SMARCA2: variants seen among roughly 807,000 people sequenced by gnomAD.
SMARCA2 encodes the protein SWI/SNF-related matrix-associated actin-dependent regulator of chromatin subfamily A member 2.
SMARCA2 carries 61 observed loss-of-function variants against 199.8 expected under a neutral mutation model. The observed-to-expected ratio is 0.31, with a 90% CI of 0.25 to 0.38. SMARCA2 has a LOEUF of 0.38. Among genes scored for constraint, SMARCA2 ranks in the 10% least tolerant of loss-of-function variants. The probability of loss-of-function intolerance (pLI) is 1.00; values close to 1 mark genes in which losing one functional copy is unlikely to be tolerated. For missense variants in SMARCA2, 1,344 were observed against 2,012.2 expected (o/e 0.67, Z 6.35); for synonymous variants, 935 against 732.0 (o/e 1.28, Z -4.48).
chr9:2,150,289 C>G (rs1824995004), intron 27 of SMARCA2, among the ~76,000 whole-genome samples: 1 of 151,664 alleles, frequency 6.6e-6, no homozygotes, highest in African/African-American at 2.4e-5. Flanking sequence ...TTCTTTCACA[C>G]CTGCAGCTCA....
chr9:2,073,822 C>G (rs1033599572), intron 12 of SMARCA2, among the ~76,000 whole-genome samples, 199 bp downstream of exon 12: 1 of 152,174 alleles, frequency 6.6e-6, no homozygotes, highest in African/African-American at 2.4e-5. Flanking sequence ...TTGGAAGGCC[C>G]TGGCTAATGG....
chr9:2,148,549 G>T (rs1421803771), intron 27 of SMARCA2, among the ~76,000 whole-genome samples: 1 of 151,352 alleles, frequency 6.6e-6, no homozygotes, highest in Non-Finnish European at 1.5e-5. Context: ...GTGCAGGTTT[G>T]TTACATATCT....
intron 14 of SMARCA2, among the ~76,000 whole-genome samples, chr9:2,079,084 T>C (rs1821451730): frequency 1.3e-5 from 2 of 152,200 alleles, no homozygotes; most frequent in African/African-American, 4.8e-5. Flanking sequence ...GCCTTATTAT[T>C]GATAATAGGC....
chr9:2,190,659 A>G (rs1301116281), intron 32 of SMARCA2, among the ~76,000 whole-genome samples: 1 of 152,204 alleles, frequency 6.6e-6, no homozygotes, highest in African/African-American at 2.4e-5. Flanking sequence ...ACAGAGAGAG[A>G]GAAATGGATG....
intron 18 of SMARCA2, 104 bp downstream of exon 18, chr9:2,087,175 C>G: frequency 7.2e-7 from 1 of 1,391,412 alleles, no homozygotes; most frequent in Non-Finnish European, 9.9e-7. Flanking sequence ...AGGGTGGTTT[C>G]CACTGTTGTT....
chr9:2,064,123 A>T (rs1344221625), intron 9 of SMARCA2, among the ~76,000 whole-genome samples: 1 of 152,266 alleles, frequency 6.6e-6, no homozygotes, highest in Admixed American at 6.5e-5. Context: ...CCTACAGGGT[A>T]CAAAAGAGAA....
At chr9:2,130,662 C>CAT (rs755451848) in intron 27 of SMARCA2, among the ~76,000 whole-genome samples, 6 of 151,924 alleles carry the variant, frequency 3.9e-5, no homozygotes, top group East Asian at 1.9e-4. Context: ...TTACAGATTA[C>CAT]ATATATATAT....
chr9:2,149,110 GA>G (rs1348359123), intron 27 of SMARCA2, among the ~76,000 whole-genome samples: 1 of 151,166 alleles, frequency 6.6e-6, no homozygotes, highest in African/African-American at 2.4e-5. Context: ...GGAAGAAAAG[GA>G]GGTTTAATTG....
chr9:2,120,394 T>G (rs1285951960), intron 26 of SMARCA2, among the ~76,000 whole-genome samples: 1 of 152,204 alleles, frequency 6.6e-6, no homozygotes, highest in African/African-American at 2.4e-5. Flanking sequence ...GGTAGAAATG[T>G]GAGACCTATG....
intron 22 of SMARCA2, among the ~76,000 whole-genome samples, chr9:2,102,437 A>G (rs1478852586): frequency 1.3e-5 from 2 of 152,208 alleles, no homozygotes; most frequent in East Asian, 1.9e-4. Context: ...TCGGGAAGAC[A>G]TACGTTTGAA....
chr9:2,125,632 G>A (rs988620710), intron 27 of SMARCA2, among the ~76,000 whole-genome samples: 18 of 151,992 alleles, frequency 1.2e-4, no homozygotes, highest in Admixed American at 1.2e-3. Flanking sequence ...TGGGATTACA[G>A]GCGCATACCA....
At chr9:2,178,066 GTAGTGTGTGTA>G (rs1826746587) in intron 29 of SMARCA2, among the ~76,000 whole-genome samples, 1 of 133,222 alleles carries the variant, frequency 7.5e-6, no homozygotes, top group Admixed American at 7.9e-5. Context: ...TTAAATCTCA[GTAGTGTGTGTA>G]TATAAGCCAT....
In SMARCA2 at chr9:2,123,045, C is replaced by G. The variant is rs1034606016; in HGVS notation, c.3763-674C>G. 6.6e-6 allele frequency among the ~76,000 whole-genome samples: 1 copy of G among 152,168 alleles called. No homozygotes were observed. Among genetic ancestry groups the G allele is most frequent in the African/African-American group, 2.4e-5 (1 of 41,426 alleles). On this transcript the variant is annotated intron_variant, in intron 26 of 33. Transcript: ENST00000349721. This position sits in a 1 kb window ranked among gnomAD's most constrained non-coding sequence, Gnocchi z 4.1. ...GTTGGGATGCGATTACCTCTGAGCT[C>G]TCTCTGTCTGTGGTATAATATATTC...
intron 27 of SMARCA2, among the ~76,000 whole-genome samples, chr9:2,135,737 T>A (rs969724413): frequency 7.9e-5 from 12 of 152,292 alleles, no homozygotes; most frequent in African/African-American, 2.9e-4. Context: ...GAGATGGGGT[T>A]TCGCCATGTT....
intron 27 of SMARCA2, among the ~76,000 whole-genome samples, chr9:2,153,145 A>C (rs1419783416): frequency 1.3e-5 from 2 of 152,198 alleles, no homozygotes; most frequent in East Asian, 1.9e-4. Context: ...TTGGAAGCCA[A>C]CCCAAATTTA....
intron 19 of SMARCA2, among the ~76,000 whole-genome samples, chr9:2,094,722 G>A (rs2130516979): frequency 6.6e-6 from 1 of 152,182 alleles, no homozygotes; most frequent in African/African-American, 2.4e-5. Context: ...AAAATGAGAA[G>A]GCTAAATGTG....
intron 32 of SMARCA2, 39 bp downstream of exon 32, chr9:2,186,267 T>A: frequency 6.3e-7 from 1 of 1,587,302 alleles, no homozygotes; most frequent in Non-Finnish European, 8.6e-7. Context: ...TCTTTGCCCC[T>A]CCTCACCTGC....
rs570453972 is a variant in SMARCA2, at chr9:2,137,503, A to C, written c.3981+13566A>C. On this transcript the variant is annotated intron_variant, in intron 27 of 33. Transcript: ENST00000349721. ...TGGCACTTCTAGAAGTCTTTCTCCC[A>C]GATCTTCATGTGGCTGTCTCCTCCT... Among the ~76,000 whole-genome samples the C allele has an allele frequency of 5.2e-4, 79 of 152,206 alleles. 1 individual carries two copies. The South Asian group carries it at 0.015, about 28-fold the overall frequency.
chr9:2,137,120 G>A (rs1034384471), intron 27 of SMARCA2, among the ~76,000 whole-genome samples: 1 of 152,118 alleles, frequency 6.6e-6, no homozygotes, highest in African/African-American at 2.4e-5. Flanking sequence ...TGTACAGCAC[G>A]GCCCATTCAT....
Sources: allele counts gnomAD v4.1 joint callset (sites outside exome capture counted in the v4.1 genomes callset), GRCh38; gene constraint gnomAD v4.1.1; non-coding constraint Gnocchi (gnomAD v3.1); transcripts MANE v1.5; gene names NCBI Gene and HGNC (gene_info 2026-07-23, HGNC 2026-07-21).